Variants in RBPJ observed in about 807,000 individuals in gnomAD.
RBPJ encodes the protein recombining binding protein suppressor of hairless.
A neutral mutation model predicts 67.8 loss-of-function variants in RBPJ; 9 were observed. That is an observed-to-expected ratio of 0.13 (90% CI 0.08 to 0.23). The LOEUF is 0.23. RBPJ is among the 10% of genes least tolerant of loss of function. The pLI, the probability that RBPJ is intolerant of heterozygous loss-of-function variation, is 1.00. For missense variants in RBPJ, 305 were observed against 595.6 expected (o/e 0.51, Z 5.08); for synonymous variants, 198 against 203.3 (o/e 0.97, Z 0.22).
intron 1 of RBPJ, among the ~76,000 whole-genome samples, chr4:26,215,065 A>C (rs1488400492): frequency 1.6e-5 from 1 of 61,230 alleles, no homozygotes; most frequent in Non-Finnish European, 3.0e-5. Context: ...AGAGAGAAAG[A>C]AAGAGAAAAA....
chr4:26,312,140 A>T (rs4522854), intron 1 of RBPJ, among the ~76,000 whole-genome samples: 68,979 of 149,816 alleles, frequency 0.46, 16,642 homozygotes, highest in Admixed American at 0.59. Flanking sequence ...ATTTTATTTT[A>T]TTTTTTTTTG....
chr4:26,414,989 A>G (rs1734417858), intron 3 of RBPJ, among the ~76,000 whole-genome samples: 1 of 152,214 alleles, frequency 6.6e-6, no homozygotes. Context: ...TGTTTCTACT[A>G]TGGACAATGC....
chr4:26,366,093 T>C (rs919898091), intron 1 of RBPJ, among the ~76,000 whole-genome samples: 18 of 152,200 alleles, frequency 1.2e-4, no homozygotes, highest in African/African-American at 4.3e-4. Flanking sequence ...TATCACACAA[T>C]ATATACCTTT....
chr4:26,305,811 C>T (rs912085978), intron 1 of RBPJ, among the ~76,000 whole-genome samples: 6 of 109,528 alleles, frequency 5.5e-5, no homozygotes, highest in Admixed American at 2.3e-4. Context: ...CTGAGTTTCA[C>T]TCTTGTCACC....
intron 1 of RBPJ, among the ~76,000 whole-genome samples, chr4:26,330,184 C>G (rs1577450255): frequency 6.6e-6 from 1 of 152,142 alleles, no homozygotes; most frequent in Non-Finnish European, 1.5e-5. Context: ...TTTTTGCATA[C>G]TTCTGTTACA....
At chr4:26,171,507 T>C (rs893048164) in intron 1 of RBPJ, among the ~76,000 whole-genome samples, 2 of 152,202 alleles carry the variant, frequency 1.3e-5, no homozygotes, top group African/African-American at 4.8e-5. Flanking sequence ...AGTTAGAGGC[T>C]GCAGTGAGCC....
intron 1 of RBPJ, chr4:26,362,389 C>T: frequency 1.9e-6 from 2 of 1,063,372 alleles, no homozygotes; most frequent in Non-Finnish European, 2.6e-6. Context: ...TAACACAGTG[C>T]ACTAGCAGTT....
chr4:26,163,073 C>A (rs1716128824), upstream of RBPJ, among the ~76,000 whole-genome samples: 1 of 152,042 alleles, frequency 6.6e-6, no homozygotes, highest in African/African-American at 2.4e-5. Context: ...GGAATCTGGA[C>A]CAAATGATGG....
chr4:26,398,472 C>T (rs1247261231), intron 2 of RBPJ, among the ~76,000 whole-genome samples: 1 of 152,204 alleles, frequency 6.6e-6, no homozygotes. Flanking sequence ...GCCCTCAGAA[C>T]TCCGTTTTAA....
At chr4:26,234,608 G>C (rs574238044) in intron 1 of RBPJ, among the ~76,000 whole-genome samples, 34 of 152,182 alleles carry the variant, frequency 2.2e-4, no homozygotes, top group African/African-American at 7.7e-4. Context: ...CCCTGTCTCT[G>C]TCCCCCGTTC....
chr4:26,240,560 G>C (rs1719601650), intron 1 of RBPJ, among the ~76,000 whole-genome samples: 1 of 152,186 alleles, frequency 6.6e-6, no homozygotes, highest in African/African-American at 2.4e-5. Context: ...ACGTATTTAA[G>C]AAGAACATGA....
chr4:26,182,341 C>G (rs1375818691), intron 1 of RBPJ, among the ~76,000 whole-genome samples: 4 of 151,748 alleles, frequency 2.6e-5, no homozygotes, highest in Non-Finnish European at 5.9e-5. Flanking sequence ...GACTCCGTCT[C>G]AAAAAAACAA....
At chr4:26,379,511 C>G (rs1297383399) in intron 1 of RBPJ, among the ~76,000 whole-genome samples, 3 of 152,076 alleles carry the variant, frequency 2.0e-5, no homozygotes. Flanking sequence ...ACCTTCTTCA[C>G]AAAGCTGCAG....
rs189198884 is a variant in RBPJ at position 26,219,932 on chromosome 4, C to T, written c.-167+56318C>T. 4.5e-3 allele frequency among the ~76,000 whole-genome samples: 601 copies of T among 133,884 alleles called. 4 individuals carry two copies. The highest frequency in any genetic ancestry group is 0.015 in the African/African-American group (555 of 35,930). 87.8% of individuals were successfully genotyped at this position (133,884 alleles called of 152,430 possible). On this transcript the variant is annotated intron_variant, in intron 1 of 4. Coordinates refer to the RBPJ transcript ENST00000512351. ...CTGGGACCACAGGCACCCACCACCA[C>T]GCCCAACTAATTTTTTTTTTTTTTG...
At chr4:26,137,752 C>T in the RBPJ span, among the ~76,000 whole-genome samples, 1 of 152,210 alleles carries the variant, frequency 6.6e-6, no homozygotes, top group African/African-American at 2.4e-5. Flanking sequence ...TCAACCTGGC[C>T]TATGGGTCAT....
intron 1 of RBPJ, among the ~76,000 whole-genome samples, chr4:26,260,116 A>C (rs1442910430): frequency 1.3e-5 from 2 of 152,252 alleles, no homozygotes; most frequent in Non-Finnish European, 2.9e-5. Context: ...TTTGAAATCC[A>C]TGCATAGTTT....
chr4:26,323,652 T>C (rs1042847105), intron 1 of RBPJ, among the ~76,000 whole-genome samples: 1 of 152,182 alleles, frequency 6.6e-6, no homozygotes, highest in Non-Finnish European at 1.5e-5. Flanking sequence ...TTGTAGGCAT[T>C]AGATTTTAAG....
At chr4:26,318,129 G>GCACACA (rs33941779), upstream of RBPJ, among the ~76,000 whole-genome samples, 28 of 146,764 alleles carry the variant, frequency 1.9e-4, no homozygotes, top group African/African-American at 6.7e-4. Flanking sequence ...ACACACACAC[G>GCACACA]CACACACACA....
At chr4:26,306,110 A>G (rs1260977101) in intron 1 of RBPJ, among the ~76,000 whole-genome samples, 1 of 152,080 alleles carries the variant, frequency 6.6e-6, no homozygotes, top group Non-Finnish European at 1.5e-5. Flanking sequence ...TCTATGCCTA[A>G]GATCATGTCA....
Sources: allele counts gnomAD v4.1 joint callset (sites outside exome capture counted in the v4.1 genomes callset), GRCh38; gene constraint gnomAD v4.1.1; transcripts MANE v1.5; gene names NCBI Gene and HGNC (gene_info 2026-07-23, HGNC 2026-07-21).